Variants in ADAMTSL3 observed in about 807,000 individuals in gnomAD.
ADAMTSL3 encodes ADAMTS like 3.
Under a neutral mutation model 201.7 loss-of-function variants are expected in ADAMTSL3, and 128 were observed. The observed-to-expected ratio is 0.63, with a 90% CI of 0.55 to 0.73. ADAMTSL3 has a LOEUF of 0.73. ADAMTSL3 is among the 30% of genes least tolerant of loss of function. The pLI is 0.00. For missense variants in ADAMTSL3, 1,990 were observed against 2,119.6 expected (o/e 0.94, Z 1.20); for synonymous variants, 738 against 748.4 (o/e 0.99, Z 0.23).
At chr15:83,718,512 T>G (rs2062050032) in intron 3 of ADAMTSL3, among the ~76,000 whole-genome samples, 1 of 151,938 alleles carries the variant, frequency 6.6e-6, no homozygotes, top group Non-Finnish European at 1.5e-5. Context: ...GAGACCAGCC[T>G]GGCCAAAATG....
At chr15:83,735,455 C>T (rs1247558976) in intron 3 of ADAMTSL3, among the ~76,000 whole-genome samples, 1 of 152,138 alleles carries the variant, frequency 6.6e-6, no homozygotes, top group East Asian at 1.9e-4. Flanking sequence ...AGATGAGGAA[C>T]TTGACTTTGA....
chr15:83,851,890 T>G (rs964701329), intron 7 of ADAMTSL3, among the ~76,000 whole-genome samples: 1 of 152,220 alleles, frequency 6.6e-6, no homozygotes, highest in Admixed American at 6.5e-5. Flanking sequence ...AATGTCACCC[T>G]CTACCATCCA....
intron 2 of ADAMTSL3, among the ~76,000 whole-genome samples, chr15:83,674,696 C>T (rs2061372238): frequency 2.0e-5 from 3 of 147,012 alleles, no homozygotes; most frequent in African/African-American, 5.0e-5. Context: ...CATATATACA[C>T]ATATATATAC....
chr15:83,719,194 A>T (rs752416252), intron 3 of ADAMTSL3, among the ~76,000 whole-genome samples: 1 of 152,228 alleles, frequency 6.6e-6, no homozygotes, highest in African/African-American at 2.4e-5. Context: ...CTACCTATTT[A>T]TGAGAATTAC....
At chr15:83,845,368 A>G (rs1031796641) in intron 7 of ADAMTSL3, among the ~76,000 whole-genome samples, 2 of 152,236 alleles carry the variant, frequency 1.3e-5, no homozygotes, top group Non-Finnish European at 2.9e-5. Context: ...GTTAATGTTG[A>G]ACAAATGAAT....
intron 17 of ADAMTSL3, among the ~76,000 whole-genome samples, chr15:83,927,581 A>G (rs1014258141): frequency 1.3e-5 from 2 of 152,198 alleles, no homozygotes; most frequent in Non-Finnish European, 2.9e-5. Flanking sequence ...ATGGCTTCAC[A>G]TTCTTTCAGA....
At chr15:83,773,376 C>T (rs2063016846) in intron 3 of ADAMTSL3, 147 bp from the exon 4 acceptor site, 1 of 876,892 alleles carries the variant, frequency 1.1e-6, no homozygotes, top group Non-Finnish European at 1.7e-6. Flanking sequence ...CCATTGCACT[C>T]CTGGGCAATA....
intron 22 of ADAMTSL3, 47 bp downstream of exon 22, chr15:83,988,865 A>T (rs777120615): frequency 3.6e-5 from 42 of 1,180,000 alleles, no homozygotes; most frequent in Non-Finnish European, 4.1e-5. Context: ...TTTATTTTTT[A>T]TTTTTATTTA....
At chr15:84,020,505 A>G (rs74026637) in intron 25 of ADAMTSL3, among the ~76,000 whole-genome samples, 1 of 152,234 alleles carries the variant, frequency 6.6e-6, no homozygotes, top group East Asian at 1.9e-4. Context: ...TGTATTTTAC[A>G]TTTTTGCTTT....
chr15:83,787,454 G>A (rs2063282580), intron 4 of ADAMTSL3, among the ~76,000 whole-genome samples: 1 of 152,120 alleles, frequency 6.6e-6, no homozygotes, highest in South Asian at 2.1e-4. Flanking sequence ...GTAAGGATGG[G>A]TAATTCTATG....
At chr15:83,735,343 A>G (rs1444872327) in intron 3 of ADAMTSL3, among the ~76,000 whole-genome samples, 1 of 152,188 alleles carries the variant, frequency 6.6e-6, no homozygotes. Flanking sequence ...CAGATTCATA[A>G]GATAATAAAC....
intron 10 of ADAMTSL3, among the ~76,000 whole-genome samples, chr15:83,885,811 G>A (rs1300192266): frequency 1.3e-5 from 2 of 151,532 alleles, no homozygotes; most frequent in Non-Finnish European, 2.9e-5. Context: ...TGCAACCTCC[G>A]CCTCCCAGGT....
intron 4 of ADAMTSL3, among the ~76,000 whole-genome samples, chr15:83,795,376 A>G (rs77016111): frequency 0.13 from 19,844 of 152,204 alleles, 1,650 homozygotes; most frequent in South Asian, 0.28. Flanking sequence ...TAGTAAGTGC[A>G]TAACTGATTC....
chr15:84,019,664 C>T (rs1355087636), intron 25 of ADAMTSL3, among the ~76,000 whole-genome samples: 3 of 151,962 alleles, frequency 2.0e-5, no homozygotes, highest in African/African-American at 7.3e-5. Context: ...GAGGCAGAAG[C>T]GGGTGGACCA....
intron 14 of ADAMTSL3, among the ~76,000 whole-genome samples, chr15:83,898,456 C>G (rs1008445819): frequency 9.2e-5 from 14 of 152,100 alleles, no homozygotes; most frequent in Non-Finnish European, 1.9e-4. Flanking sequence ...AGCTACCTCT[C>G]CGCTGGAGTA....
At chr15:83,687,443 G>A (rs945849602) in intron 2 of ADAMTSL3, among the ~76,000 whole-genome samples, 26 of 152,078 alleles carry the variant, frequency 1.7e-4, no homozygotes, top group African/African-American at 6.3e-4. Flanking sequence ...TGATAGCCAC[G>A]TGTGTCTACT....
chr15:83,913,194 G>T lies in ADAMTSL3; in HGVS notation c.1803G>T (p.Glu601Asp). The T allele has an allele frequency of 6.2e-7, 1 of 1,614,188 alleles. No homozygotes were observed. Among genetic ancestry groups the T allele is most frequent in the Non-Finnish European group, 8.5e-7 (1 of 1,180,030 alleles). Residue 601 changes from glutamate to aspartate, a missense_variant, in exon 16 of 30, where the codon GAG becomes GAT. Transcript: ENST00000286744. The stretch of plus-strand genomic sequence containing the variant: ...TGCTCCTCACATTCACGCAGACTGA[G>T]ACTGAGCTGCCCGAGGAAGAGTGTG... ...CRVLLTFTQT[E>D]TELPEEECEG...
intron 21 of ADAMTSL3, among the ~76,000 whole-genome samples, chr15:83,984,510 G>A (rs946035431): frequency 6.6e-6 from 1 of 152,126 alleles, no homozygotes; most frequent in Non-Finnish European, 1.5e-5. Context: ...TTAAAACATA[G>A]CAGTTCTCAG....
At chr15:83,999,745 A>G (rs563199263) in intron 23 of ADAMTSL3, among the ~76,000 whole-genome samples, 3 of 152,180 alleles carry the variant, frequency 2.0e-5, no homozygotes, top group South Asian at 4.2e-4. Flanking sequence ...CAGAAGAAAC[A>G]TATCACATAA....
Sources: allele counts gnomAD v4.1 joint callset (sites outside exome capture counted in the v4.1 genomes callset), GRCh38; gene constraint gnomAD v4.1.1; transcripts MANE v1.5; gene names NCBI Gene and HGNC (gene_info 2026-07-23, HGNC 2026-07-21).